CDKL4: variants seen among roughly 807,000 people sequenced by gnomAD.
The protein encoded by CDKL4 is cyclin dependent kinase like 4, also known as cyclin-dependent kinase-like 4.
CDKL4 carries 44 observed loss-of-function variants against 42.0 expected under a neutral mutation model. The ratio of observed to expected loss-of-function variants is 1.05; its 90% confidence interval spans 0.82 to 1.35. The LOEUF (loss-of-function observed/expected upper bound fraction) is 1.35, where lower values mean the gene tolerates loss of function less well. Among genes scored for constraint, CDKL4 ranks in the 40% most tolerant of loss-of-function variants. The pLI, the probability that CDKL4 is intolerant of heterozygous loss-of-function variation, is 0.00. For missense variants in CDKL4, 393 were observed against 369.9 expected (o/e 1.06, Z -0.51); for synonymous variants, 120 against 121.6 (o/e 0.99, Z 0.09).
In CDKL4 at chr2:39,228,762, T is replaced by C. The variant is rs188975962; in HGVS notation, c.168+603A>G. On this transcript the variant is annotated intron_variant, in intron 2 of 9. Coordinates refer to ENST00000451199, the Ensembl canonical transcript of CDKL4. ...ATGGTTGTTAGATAAGAAGCATCTC[T>C]ACGGTCGCTTATAGATCTAAAACTG... is the stretch of plus-strand genomic sequence containing the variant. Among the ~76,000 whole-genome samples the C allele has an allele frequency of 9.8e-4, 150 of 152,380 alleles. 1 individual carries two copies. Among genetic ancestry groups the C allele is most frequent in the African/African-American group, 3.4e-3 (141 of 41,590 alleles).
intron 2 of CDKL4, 86 bp from the exon 3 acceptor site, chr2:39,226,046 A>G: frequency 7.6e-7 from 1 of 1,309,900 alleles, no homozygotes; most frequent in Middle Eastern, 2.8e-4. Flanking sequence ...TTAAAGTTGG[A>G]AGAAATTTAA....
At position 39,209,483 on chromosome 2, in the gene CDKL4, G is replaced by C. The variant is rs537797637; in HGVS notation, c.363+3917C>G. Among the ~76,000 whole-genome samples, 5 of 152,102 alleles carry C rather than the reference G, an allele frequency of 3.3e-5. No homozygotes were observed. The South Asian group carries it at 8.3e-4, about 25-fold the overall frequency. ...GGGTAAAAGAGAACCAAATGAATACGTATTTTCTTAAGTCCTGCGCTTCTC... is the reference window on the plus strand; with the variant it reads ...GGGTAAAAGAGAACCAAATGAATACCTATTTTCTTAAGTCCTGCGCTTCTC... On this transcript the variant is annotated intron_variant, in intron 4 of 9. Transcript: ENST00000451199.
At chr2:39,170,277 CAAAA>C in the CDKL4 span, among the ~76,000 whole-genome samples, 8 of 42,904 alleles carry the variant, frequency 1.9e-4, no homozygotes, top group South Asian at 7.3e-4. Context: ...ACCCTGTCTC[CAAAA>C]AAAAAAAAAA....
intron 9 of CDKL4, chr2:39,178,915 T>C: frequency 6.9e-7 from 1 of 1,449,444 alleles, no homozygotes; most frequent in Non-Finnish European, 9.1e-7. Flanking sequence ...TATACGATCT[T>C]GTGGGTGGGA....
At chr2:39,197,000 G>C (rs1431463819) in intron 5 of CDKL4, among the ~76,000 whole-genome samples, 1 of 152,094 alleles carries the variant, frequency 6.6e-6, no homozygotes, top group Non-Finnish European at 1.5e-5. Flanking sequence ...GGCAGAAAAA[G>C]AATTCAGAAG....
intron 6 of CDKL4, among the ~76,000 whole-genome samples, chr2:39,188,420 A>C (rs1675958993): frequency 6.6e-6 from 1 of 151,376 alleles, no homozygotes; most frequent in Admixed American, 6.6e-5. Context: ...AAATTAGCTG[A>C]GTGTGGTGGT....
chr2:39,202,290 T>G (rs1361340533), intron 5 of CDKL4, among the ~76,000 whole-genome samples: 2 of 151,504 alleles, frequency 1.3e-5, no homozygotes, highest in Non-Finnish European at 2.9e-5. Flanking sequence ...AACAATGAAC[T>G]TTTTCAAGTA....
chr2:39,185,682 C>T (rs1245675420), intron 7 of CDKL4, among the ~76,000 whole-genome samples: 3 of 151,346 alleles, frequency 2.0e-5, no homozygotes, highest in Non-Finnish European at 2.9e-5. Flanking sequence ...AGGATGGTCT[C>T]GATCTCCCGA....
intron 1 of CDKL4, among the ~76,000 whole-genome samples, chr2:39,242,519 T>C (rs983059049): frequency 3.3e-5 from 5 of 152,212 alleles, no homozygotes; most frequent in Non-Finnish European, 5.9e-5. Context: ...AAGAGGTAGA[T>C]AGATACTTGA....
chr2:39,231,704 A>C (rs557493193), intron 1 of CDKL4, among the ~76,000 whole-genome samples: 1 of 152,372 alleles, frequency 6.6e-6, no homozygotes, highest in East Asian at 1.9e-4. Context: ...ACATTTGCAT[A>C]GTAATAGATG....
At chr2:39,174,097 A>G (rs1056950179), downstream of CDKL4, among the ~76,000 whole-genome samples, 1 of 152,026 alleles carries the variant, frequency 6.6e-6, no homozygotes, top group East Asian at 1.9e-4. Context: ...GCCAGATCAG[A>G]TCAGCTCACT....
intron 3 of CDKL4, among the ~76,000 whole-genome samples, chr2:39,216,520 T>C (rs1677927711): frequency 1.3e-5 from 2 of 152,266 alleles, no homozygotes; most frequent in Middle Eastern, 6.8e-3. Flanking sequence ...ATATGGAGAA[T>C]GGATTTCTGG....
At chr2:39,185,137 CAT>C (rs199846669) in intron 7 of CDKL4, among the ~76,000 whole-genome samples, 2,188 of 133,750 alleles carry the variant, frequency 0.016, 38 homozygotes, top group Non-Finnish European at 0.024. Context: ...CATATATATA[CAT>C]ATATATGTGT....
chr2:39,230,647 A>G (rs1348061909), intron 1 of CDKL4, among the ~76,000 whole-genome samples: 2 of 152,256 alleles, frequency 1.3e-5, no homozygotes, highest in Non-Finnish European at 2.9e-5. Context: ...AATTCTAATT[A>G]GTCTCAAAAA....
chr2:39,178,658 A>G (rs775578860), intron 9 of CDKL4: 4 of 1,601,750 alleles, frequency 2.5e-6, no homozygotes, highest in Non-Finnish European at 2.6e-6. Context: ...ATATTGGCCC[A>G]TTGGGTAGAA....
chr2:39,230,498 T>C (rs570180787), intron 1 of CDKL4, among the ~76,000 whole-genome samples: 2 of 152,368 alleles, frequency 1.3e-5, no homozygotes, highest in East Asian at 3.9e-4. Context: ...ACATCTCTAG[T>C]GATTTCTATG....
rs1678675678 is a variant in CDKL4, at chr2:39,225,827, C to G, written c.290+12G>C. ...ACTGGCTGTACAGAATTTCAGTTTC[C>G]AGATTACTTACCCATTTGGGTTTCT... is the stretch of plus-strand genomic sequence containing the variant. On this transcript the variant is annotated intron_variant, in intron 3 of 9. Coordinates refer to ENST00000451199, the Ensembl canonical transcript of CDKL4. 1.9e-6 allele frequency: 3 copies of G among 1,589,322 alleles called. No homozygotes were observed. Among genetic ancestry groups the G allele is most frequent in the Non-Finnish European group, 2.6e-6 (3 of 1,169,932 alleles).
At chr2:39,209,977 G>A (rs758168448) in intron 4 of CDKL4, among the ~76,000 whole-genome samples, 15 of 152,208 alleles carry the variant, frequency 9.9e-5, no homozygotes, top group Non-Finnish European at 1.3e-4. Flanking sequence ...TTGGAGGAGG[G>A]AAGTTAGTCT....
At chr2:39,181,165 A>G (rs1438702076) in intron 8 of CDKL4, among the ~76,000 whole-genome samples, 1 of 152,148 alleles carries the variant, frequency 6.6e-6, no homozygotes, top group African/African-American at 2.4e-5. Context: ...AGTATTAGAC[A>G]CTACTGACCA....
Sources: allele counts gnomAD v4.1 joint callset (sites outside exome capture counted in the v4.1 genomes callset), GRCh38; gene constraint gnomAD v4.1.1; transcripts MANE v1.5; gene names NCBI Gene and HGNC (gene_info 2026-07-23, HGNC 2026-07-21).